CNTN5: variants seen among roughly 807,000 people sequenced by gnomAD.
CNTN5 encodes the protein contactin 5.
A neutral mutation model predicts 129.1 loss-of-function variants in CNTN5; 77 were observed. That is an observed-to-expected ratio of 0.60 (90% CI 0.50 to 0.72). CNTN5 has a LOEUF of 0.72. Among genes scored for constraint, CNTN5 ranks in the 30% least tolerant of loss-of-function variants. The pLI is 0.00. For synonymous variants in CNTN5, 509 were observed against 465.6 expected (o/e 1.09, Z -1.20); for missense variants, 1,478 against 1,328.8 (o/e 1.11, Z -1.75).
At chr11:99,083,730 G>A (rs1320437246) in intron 1 of CNTN5, among the ~76,000 whole-genome samples, 4 of 152,152 alleles carry the variant, frequency 2.6e-5, no homozygotes, top group Non-Finnish European at 4.4e-5. Context: ...AACATTAGTT[G>A]TTTATGTTAA....
intron 8 of CNTN5, among the ~76,000 whole-genome samples, chr11:99,961,948 T>G (rs1462023041): frequency 6.6e-6 from 1 of 151,822 alleles, no homozygotes. Context: ...TTGCAAAATT[T>G]TCGATATATA....
At chr11:99,269,505 C>T (rs770523431) in intron 1 of CNTN5, among the ~76,000 whole-genome samples, 1 of 151,686 alleles carries the variant, frequency 6.6e-6, no homozygotes, top group Admixed American at 6.6e-5. Context: ...TAAACAGGTA[C>T]GTGATTGTAA....
intron 9 of CNTN5, among the ~76,000 whole-genome samples, chr11:100,060,215 T>TA (rs201170131): frequency 0.23 from 30,555 of 130,078 alleles, 3,660 homozygotes; most frequent in East Asian, 0.46. Context: ...CAAAAAATAT[T>TA]AAAAAAAAAA....
intron 3 of CNTN5, among the ~76,000 whole-genome samples, chr11:99,659,158 AC>A (rs1952504275): frequency 6.6e-6 from 1 of 152,152 alleles, no homozygotes; most frequent in East Asian, 1.9e-4. Context: ...AGTTGTAAAT[AC>A]CAAGCTGGCA....
At chr11:99,057,785 A>AGTGTGTGT (rs67721084) in intron 1 of CNTN5, among the ~76,000 whole-genome samples, 2,084 of 144,994 alleles carry the variant, frequency 0.014, 33 homozygotes, top group South Asian at 0.053. Context: ...ATGAAACATA[A>AGTGTGTGT]GTGTGTGTGT....
At chr11:100,283,382 G>T (rs976252207) in intron 18 of CNTN5, among the ~76,000 whole-genome samples, 1 of 152,122 alleles carries the variant, frequency 6.6e-6, no homozygotes, top group Non-Finnish European at 1.5e-5. Context: ...TGCAAGCTGT[G>T]CAGCCTGGAC....
At chr11:99,408,142 C>T (rs993631410) in intron 2 of CNTN5, among the ~76,000 whole-genome samples, 1 of 151,926 alleles carries the variant, frequency 6.6e-6, no homozygotes, top group Non-Finnish European at 1.5e-5. Context: ...CCTTCTATTC[C>T]ACCACCATCT....
chr11:100,057,141 A>T (rs1478921012), intron 9 of CNTN5, among the ~76,000 whole-genome samples: 2 of 149,530 alleles, frequency 1.3e-5, no homozygotes, highest in South Asian at 2.1e-4. Context: ...ATGAATAATA[A>T]TTATACTGAT....
Position 100,356,271 on chromosome 11 carries a change from G to A in CNTN5, c.*51G>A. On this transcript the variant is annotated 3_prime_UTR_variant, in exon 25 of 25. Transcript: ENST00000524871. ...TTTGCTTTAGCTTGGTAACAGCGGT[G>A]AATAGAGTGTAGTGTAAGTGGAGAA... 2.4e-6 allele frequency: 3 copies of A among 1,224,714 alleles called. No individual in the cohort carries two copies. Among genetic ancestry groups the A allele is most frequent in the Admixed American group, 1.9e-5 (1 of 51,804 alleles). 75.9% of individuals were successfully genotyped at this position (1,224,714 alleles called of 1,614,324 possible). A position where few individuals can be genotyped will look rare whatever the true frequency, so the allele number is the denominator to read the frequency against.
intron 13 of CNTN5, among the ~76,000 whole-genome samples, chr11:100,074,948 T>C (rs1386596595): frequency 6.6e-6 from 1 of 152,156 alleles, no homozygotes; most frequent in East Asian, 1.9e-4. Context: ...ATGTTCCATG[T>C]CCTACTATTA....
At chr11:99,701,589 ATG>A (rs1478161184) in intron 3 of CNTN5, among the ~76,000 whole-genome samples, 4 of 151,122 alleles carry the variant, frequency 2.6e-5, no homozygotes, top group African/African-American at 9.7e-5. Context: ...CAAATTGTAT[ATG>A]TGTTATCCTA....
chr11:99,931,468 A>G (rs934391584), intron 7 of CNTN5, among the ~76,000 whole-genome samples: 3 of 152,220 alleles, frequency 2.0e-5, no homozygotes, highest in Admixed American at 1.3e-4. Context: ...TTTGACATCA[A>G]GCAGCTCTAG....
intron 1 of CNTN5, among the ~76,000 whole-genome samples, chr11:99,110,172 A>C (rs1857720980): frequency 6.6e-6 from 1 of 152,134 alleles, no homozygotes; most frequent in African/African-American, 2.4e-5. Context: ...TGCATTATCC[A>C]CACCAGATGA....
intron 3 of CNTN5, among the ~76,000 whole-genome samples, chr11:99,676,102 A>T (rs76289512): frequency 0.019 from 2,865 of 152,272 alleles, 115 homozygotes; most frequent in East Asian, 0.18. Flanking sequence ...AGTGTCCAAC[A>T]TGTAATAAAT....
chr11:100,086,771 T>G (rs780557959), intron 13 of CNTN5, among the ~76,000 whole-genome samples: 3 of 151,458 alleles, frequency 2.0e-5, no homozygotes, highest in East Asian at 1.9e-4. Context: ...CTTGTTTAAC[T>G]ATATCAATAC....
At chr11:99,239,589 C>T (rs1194167155) in intron 1 of CNTN5, among the ~76,000 whole-genome samples, 1 of 152,084 alleles carries the variant, frequency 6.6e-6, no homozygotes, top group Non-Finnish European at 1.5e-5. Context: ...TTCTGTAGAC[C>T]TCCTGTACAG....
At chr11:100,316,760 C>A (rs1221623963) in intron 21 of CNTN5, among the ~76,000 whole-genome samples, 2 of 152,118 alleles carry the variant, frequency 1.3e-5, no homozygotes, top group Non-Finnish European at 2.9e-5. Context: ...TCATTCATCC[C>A]TTCTTGTAAG....
intron 2 of CNTN5, among the ~76,000 whole-genome samples, chr11:99,498,065 G>A (rs1946294002): frequency 6.6e-6 from 1 of 152,100 alleles, no homozygotes; most frequent in African/African-American, 2.4e-5. Context: ...ATGCTGCCAA[G>A]TAACATCTTT....
chr11:99,479,228 A>G (rs1200418043), intron 2 of CNTN5, among the ~76,000 whole-genome samples: 1 of 151,572 alleles, frequency 6.6e-6, no homozygotes, highest in African/African-American at 2.4e-5. Context: ...CTGGAAACCA[A>G]TAACTTTTAA....
Sources: allele counts gnomAD v4.1 joint callset (sites outside exome capture counted in the v4.1 genomes callset), GRCh38; gene constraint gnomAD v4.1.1; transcripts MANE v1.5; gene names NCBI Gene and HGNC (gene_info 2026-07-23, HGNC 2026-07-21).